Variants in VIPR2 observed in about 807,000 individuals in gnomAD.
The protein encoded by VIPR2 is vasoactive intestinal polypeptide receptor 2.
A neutral mutation model predicts 58.0 loss-of-function variants in VIPR2; 48 were observed. The observed-to-expected ratio is 0.83, with a 90% CI of 0.66 to 1.05. The LOEUF (loss-of-function observed/expected upper bound fraction) is 1.05, where lower values mean the gene tolerates loss of function less well. VIPR2 is among the 50% of genes least tolerant of loss of function. The probability of loss-of-function intolerance (pLI) is 0.00; values close to 1 mark genes in which losing one functional copy is unlikely to be tolerated. For missense variants in VIPR2, 534 were observed against 558.0 expected, an observed-to-expected ratio of 0.96 and a Z score of 0.43; for synonymous variants, 243 against 235.2, an observed-to-expected ratio of 1.03 and a Z score of -0.30.
intron 4 of VIPR2, among the ~76,000 whole-genome samples, chr7:159,061,294 A>G (rs1031579728): frequency 6.6e-6 from 1 of 151,386 alleles, no homozygotes; most frequent in Non-Finnish European, 1.5e-5. Flanking sequence ...TCATCATGAA[A>G]TATATCCAGG....
At chr7:159,086,549 G>A (rs556406891) in intron 4 of VIPR2, among the ~76,000 whole-genome samples, 1 of 152,376 alleles carries the variant, frequency 6.6e-6, no homozygotes, top group African/African-American at 2.4e-5. Context: ...TCTGCTGAGT[G>A]TTCAGGAAGG....
At chr7:159,144,513 A>T in intron 1 of VIPR2, 1 of 1,525,918 alleles carries the variant, frequency 6.6e-7, no homozygotes, top group South Asian at 1.2e-5. Context: ...TCCCAACCCG[A>T]GTCCCGCAAC....
At chr7:159,075,849 C>T (rs566219190) in intron 4 of VIPR2, among the ~76,000 whole-genome samples, 10 of 150,440 alleles carry the variant, frequency 6.6e-5, no homozygotes, top group South Asian at 4.3e-4. Flanking sequence ...AGCCCAGGGC[C>T]GGCACCCATG....
intron 5 of VIPR2, among the ~76,000 whole-genome samples, chr7:159,047,227 C>T (rs1854710662): frequency 6.6e-6 from 1 of 152,128 alleles, no homozygotes; most frequent in South Asian, 2.1e-4. Flanking sequence ...CTGGGCAACA[C>T]AAGCGAAACT....
intron 5 of VIPR2, 31 bp downstream of exon 5, chr7:159,058,450 C>A: frequency 2.5e-6 from 4 of 1,591,118 alleles, no homozygotes; most frequent in Non-Finnish European, 3.4e-6. Flanking sequence ...GTCTTGTATT[C>A]TTTGCAGAAT....
At chr7:159,051,254 A>G (rs371377399) in intron 5 of VIPR2, among the ~76,000 whole-genome samples, 32 of 152,358 alleles carry the variant, frequency 2.1e-4, no homozygotes, top group African/African-American at 7.5e-4. Context: ...ATTAAAATAC[A>G]TGACAAAAAC....
intron 4 of VIPR2, among the ~76,000 whole-genome samples, chr7:159,070,675 A>C (rs1856336948): frequency 2.0e-5 from 3 of 152,242 alleles, no homozygotes; most frequent in South Asian, 4.1e-4. Context: ...GAAGACAATA[A>C]ATGAGCTAGA....
At chr7:159,084,779 C>A (rs1240253318) in intron 4 of VIPR2, among the ~76,000 whole-genome samples, 1 of 152,200 alleles carries the variant, frequency 6.6e-6, no homozygotes, top group Non-Finnish European at 1.5e-5. Flanking sequence ...TCACTGGAGG[C>A]CGCCAGTTGC....
intron 4 of VIPR2, among the ~76,000 whole-genome samples, chr7:159,092,471 T>G (rs1857556729): frequency 6.6e-6 from 1 of 152,148 alleles, no homozygotes; most frequent in Non-Finnish European, 1.5e-5. Flanking sequence ...GGCACTGCCC[T>G]TTGAGATATT....
intron 5 of VIPR2, among the ~76,000 whole-genome samples, chr7:159,056,997 G>C (rs1855360774): frequency 6.6e-6 from 1 of 152,166 alleles, no homozygotes; most frequent in African/African-American, 2.4e-5. Context: ...ACAGATGGAG[G>C]GGTGTGTTCT....
At chr7:159,079,048 A>C (rs556087879) in intron 4 of VIPR2, among the ~76,000 whole-genome samples, 1 of 152,162 alleles carries the variant, frequency 6.6e-6, no homozygotes, top group South Asian at 2.1e-4. Flanking sequence ...CCATGGAGGA[A>C]GGATGGGTGG....
At chr7:159,117,281 G>C (rs1204379908) in intron 2 of VIPR2, 1 of 717,188 alleles carries the variant, frequency 1.4e-6, no homozygotes. Context: ...GAGGCTTCCT[G>C]TGACTTAATT....
intron 4 of VIPR2, among the ~76,000 whole-genome samples, chr7:159,087,112 T>C (rs949546321): frequency 6.6e-6 from 1 of 151,210 alleles, no homozygotes; most frequent in African/African-American, 2.4e-5. Flanking sequence ...GAGATACGGC[T>C]TCCCAACAAA....
chr7:159,068,277 A>T (rs969721438), intron 4 of VIPR2, among the ~76,000 whole-genome samples: 2 of 152,114 alleles, frequency 1.3e-5, no homozygotes, highest in African/African-American at 4.8e-5. Context: ...AAGGCCTTTT[A>T]AAAAAACAGC....
intron 4 of VIPR2, among the ~76,000 whole-genome samples, chr7:159,100,943 C>T (rs1293415238): frequency 4.0e-5 from 6 of 148,692 alleles, no homozygotes; most frequent in Admixed American, 6.7e-5. Flanking sequence ...TCACGAGATC[C>T]GATGAGGCGG....
chr7:159,081,492 T>G (rs1051219360), intron 4 of VIPR2, among the ~76,000 whole-genome samples: 4 of 152,208 alleles, frequency 2.6e-5, no homozygotes, highest in African/African-American at 9.6e-5. Context: ...GACTTACATG[T>G]TAGACCTAAA....
At chr7:159,101,454 G>A (rs184900648) in intron 4 of VIPR2, among the ~76,000 whole-genome samples, 4 of 134,462 alleles carry the variant, frequency 3.0e-5, no homozygotes, top group Non-Finnish European at 6.2e-5. Context: ...TGTTCCTGTG[G>A]TAGTGAATGA....
rs1396135821 is a variant in VIPR2, at chr7:159,097,517, T to C, written c.357+6240A>G. Among the ~76,000 whole-genome samples, 2 of 152,010 alleles carry C rather than the reference T, an allele frequency of 1.3e-5. No homozygotes were observed. Among genetic ancestry groups the C allele is most frequent in the Non-Finnish European group, 2.9e-5 (2 of 67,976 alleles). ...TCCACCACAGAAGCAATGGCAGGGCTGTGAGTGCCCAGGGTGTTAGAGATT... is the reference window on the plus strand; with the variant it reads ...TCCACCACAGAAGCAATGGCAGGGCCGTGAGTGCCCAGGGTGTTAGAGATT... On this transcript the variant is annotated intron_variant, in intron 4 of 12. Transcript: ENST00000262178. The surrounding 1 kb of genome is among the most constrained non-coding windows in gnomAD (Gnocchi z 5.3).
intron 4 of VIPR2, among the ~76,000 whole-genome samples, chr7:159,082,396 A>T (rs1342631213): frequency 6.6e-6 from 1 of 152,100 alleles, no homozygotes; most frequent in African/African-American, 2.4e-5. Context: ...GTTCTCACTC[A>T]TAGGTGGGAA....
Sources: gnomAD v4.1 joint callset for allele counts (sites outside exome capture counted in the v4.1 genomes callset) on GRCh38, gnomAD v4.1.1 for gene constraint, Gnocchi (gnomAD v3.1) non-coding constraint, MANE v1.5 for transcripts, NCBI Gene and HGNC (gene_info 2026-07-23, HGNC 2026-07-21) for gene names.